CCT4: variants seen among roughly 807,000 people sequenced by gnomAD.
CCT4 encodes the protein chaperonin containing TCP1 subunit 4.
CCT4 carries 17 observed loss-of-function variants against 62.5 expected under a neutral mutation model. The ratio of observed to expected loss-of-function variants is 0.27; its 90% CI spans 0.19 to 0.41. The LOEUF is 0.41. Ranked by LOEUF, CCT4 falls within the 10% of genes least tolerant of loss-of-function variation. The pLI is 1.00. For missense variants in CCT4, 592 were observed against 659.2 expected, an observed-to-expected ratio of 0.90 and a Z score of 1.12; for synonymous variants, 250 against 229.9, an observed-to-expected ratio of 1.09 and a Z score of -0.79.
intron 4 of CCT4, 61 bp from the exon 5 acceptor site, chr2:61,879,072 C>G (rs1669058814): frequency 1.5e-6 from 2 of 1,317,342 alleles, no homozygotes; most frequent in Non-Finnish European, 2.1e-6. Flanking sequence ...TTTGACATGG[C>G]TTAAAAATTT....
rs1669087761 is a variant in CCT4, at chr2:61,880,406, G to C, written c.271-12C>G. On this transcript the variant is annotated splice_polypyrimidine_tract_variant and intron_variant, in intron 3 of 13. Transcript: ENST00000394440. Reference sequence around the variant, plus strand: ...GACAGCTCCACCAGCTAAGTGAACAGAAAATGCCAAGTTGCTCAATGAGAA... The same window carrying C: ...GACAGCTCCACCAGCTAAGTGAACACAAAATGCCAAGTTGCTCAATGAGAA... 1 of 1,491,726 alleles carries C rather than the reference G, an allele frequency of 6.7e-7. No homozygotes were observed. The highest frequency in any genetic ancestry group is 1.4e-5 in the African/African-American group (1 of 71,828). 92.4% of individuals were successfully genotyped at this position (1,491,726 alleles called of 1,614,324 possible). A position where few individuals can be genotyped will look rare whatever the true frequency, so the allele number is the denominator to read the frequency against.
intron 4 of CCT4, among the ~76,000 whole-genome samples, chr2:61,879,358 C>G (rs1262274226): frequency 6.8e-6 from 1 of 147,950 alleles, no homozygotes; most frequent in Non-Finnish European, 1.5e-5. Flanking sequence ...ACCTCCCAGG[C>G]TCAAGTGATC....
At position 61,876,092 on chromosome 2, in the gene CCT4, C is replaced by A. The variant is rs367950565; in HGVS notation, c.917+3G>T. ...GGGATGAACAAAATAAATAGCCCCA[C>A]ACCTTAGAATAGATTTCTGTATGAG... On this transcript the variant is annotated splice_donor_region_variant and intron_variant, in intron 8 of 13. Transcript: ENST00000394440. 22 of 1,587,448 alleles carry A rather than the reference C, an allele frequency of 1.4e-5. No individual in the cohort carries two copies. Among genetic ancestry groups the A allele is most frequent in the Middle Eastern group, 1.7e-4 (1 of 5,972 alleles).
chr2:61,883,813 CACAA>C (rs1038210165), intron 2 of CCT4, among the ~76,000 whole-genome samples: 6 of 141,076 alleles, frequency 4.3e-5, no homozygotes, highest in African/African-American at 1.4e-4. Flanking sequence ...CACACACACA[CACAA>C]AAGGAAAAAT....
At chr2:61,878,754 T>C (rs1669050776) in intron 5 of CCT4, 115 bp downstream of exon 5, 2 of 657,420 alleles carry the variant, frequency 3.0e-6, no homozygotes, top group Non-Finnish European at 2.5e-6. Flanking sequence ...ATACAGATTA[T>C]AACAGTTACC....
At chr2:61,883,574 T>C (rs779676340) in intron 2 of CCT4, 26 bp from the exon 3 acceptor site, 21 of 1,125,420 alleles carry the variant, frequency 1.9e-5, no homozygotes, top group Middle Eastern at 4.0e-4. Flanking sequence ...TAAAGTTATA[T>C]TTCAATGTCA....
intron 3 of CCT4, 145 bp from the exon 4 acceptor site, chr2:61,880,539 G>T: frequency 1.7e-6 from 1 of 600,506 alleles, no homozygotes; most frequent in East Asian, 3.0e-5. Context: ...GTCTACCTTG[G>T]GTTTCATTTA....
rs542190105 is a variant in CCT4 at position 61,877,349 on chromosome 2, C to T, written c.644+44G>A. ...TTTATTTATTTTTGGCAATCTGATG[C>T]TCATTTTCAAATTTTTATTCAAGTT... On this transcript the variant is annotated intron_variant, in intron 6 of 13. Coordinates refer to ENST00000394440, the MANE Select transcript of CCT4 (RefSeq NM_006430.4). 2.1e-5 allele frequency: 33 copies of T among 1,573,342 alleles called. No individual in the cohort carries two copies. In the South Asian group the frequency reaches 3.4e-4, roughly 16 times the overall value.
intron 8 of CCT4, among the ~76,000 whole-genome samples, chr2:61,874,995 A>G (rs1191069654): frequency 6.6e-6 from 1 of 152,032 alleles, no homozygotes; most frequent in East Asian, 1.9e-4. Context: ...ACACAAAATT[A>G]GCTGGGTGTG....
intron 12 of CCT4, among the ~76,000 whole-genome samples, chr2:61,870,157 G>C (rs899006260): frequency 1.3e-5 from 2 of 151,552 alleles, no homozygotes; most frequent in Non-Finnish European, 2.9e-5. Context: ...TGCACCTGTA[G>C]TCCCAGCTAC....
chr2:61,872,787 C>A (rs1007008706), intron 10 of CCT4, among the ~76,000 whole-genome samples, 199 bp from the exon 11 acceptor site: 3 of 152,042 alleles, frequency 2.0e-5, no homozygotes, highest in African/African-American at 7.2e-5. Context: ...ATTAGCAGGG[C>A]GTGGTGGCAG....
At chr2:61,884,687 G>A (rs1669209755) in intron 2 of CCT4, among the ~76,000 whole-genome samples, 1 of 150,394 alleles carries the variant, frequency 6.6e-6, no homozygotes, top group Non-Finnish European at 1.5e-5. Flanking sequence ...AGAGTGCAAT[G>A]GCACAATCTC....
intron 1 of CCT4, among the ~76,000 whole-genome samples, chr2:61,887,205 T>G (rs1669274841): frequency 6.6e-6 from 1 of 152,250 alleles, no homozygotes; most frequent in South Asian, 2.1e-4. Context: ...CATTCTGACC[T>G]TTCCAACTCA....
chr2:61,880,021 C>G (rs1572921979), intron 4 of CCT4, among the ~76,000 whole-genome samples: 1 of 152,310 alleles, frequency 6.6e-6, no homozygotes, highest in East Asian at 1.9e-4. Flanking sequence ...AGCCACCACG[C>G]CCGGCCTCTA....
intron 13 of CCT4, 46 bp from the exon 14 acceptor site, chr2:61,868,752 T>G: frequency 7.2e-7 from 1 of 1,397,344 alleles, no homozygotes. Flanking sequence ...ATGACAGAAT[T>G]TTAAAGCTGG....
chr2:61,882,753 C>G (rs1056896417), intron 3 of CCT4, among the ~76,000 whole-genome samples: 1 of 152,082 alleles, frequency 6.6e-6, no homozygotes, highest in Non-Finnish European at 1.5e-5. Context: ...TCAAGCAATC[C>G]TCCCACCTTG....
At chr2:61,888,263 G>C (rs1243611965) in intron 1 of CCT4, 118 bp downstream of exon 1, 5 of 1,252,614 alleles carry the variant, frequency 4.0e-6, no homozygotes, top group African/African-American at 3.0e-5. Flanking sequence ...TGCTTCTATA[G>C]GGAGGACAAG....
intron 4 of CCT4, 23 bp from the exon 5 acceptor site, chr2:61,879,034 T>A (rs777781154): frequency 3.2e-6 from 5 of 1,560,942 alleles, no homozygotes; most frequent in African/African-American, 1.4e-5. Context: ...AAAGTCTAGT[T>A]ATTTAATTGT....
chr2:61,883,785 C>CGT (rs776897483), intron 2 of CCT4, among the ~76,000 whole-genome samples: 22,836 of 142,402 alleles, frequency 0.16, 2,131 homozygotes, highest in Middle Eastern at 0.28. Flanking sequence ...CACACACACA[C>CGT]ACACACACAC....
Sources: gnomAD v4.1 joint callset for allele counts (sites outside exome capture counted in the v4.1 genomes callset) on GRCh38, gnomAD v4.1.1 for gene constraint, MANE v1.5 for transcripts, NCBI Gene and HGNC (gene_info 2026-07-23, HGNC 2026-07-21) for gene names.